Variants in CLASRP observed in about 807,000 individuals in gnomAD.
CLASRP encodes CLK4-associating serine/arginine rich protein.
CLASRP carries 52 observed loss-of-function variants against 99.9 expected under a neutral mutation model. The observed-to-expected ratio is 0.52, with a 90% CI of 0.42 to 0.66. CLASRP has a LOEUF of 0.66. CLASRP is among the 30% of genes least tolerant of loss of function. The pLI, the probability that CLASRP is intolerant of heterozygous loss-of-function variation, is 0.00. For missense variants in CLASRP, 848 were observed against 999.2 expected (o/e 0.85, Z 2.04); for synonymous variants, 379 against 373.0 (o/e 1.02, Z -0.18).
chr19:45,045,977 G>A (rs1233013101), intron 2 of CLASRP, among the ~76,000 whole-genome samples: 2 of 152,146 alleles, frequency 1.3e-5, no homozygotes, highest in Admixed American at 6.5e-5. Flanking sequence ...CAGTGGTGAC[G>A]ACCAACCCCT....
In CLASRP at chr19:45,052,187, G is replaced by C. The variant is rs375710334; in HGVS notation, c.197+19G>C. 3.1e-6 allele frequency: 5 copies of C among 1,606,360 alleles called. No homozygotes were observed. The highest frequency in any genetic ancestry group is 2.2e-5 in the East Asian group (1 of 44,850). On this transcript the variant is annotated intron_variant, in intron 3 of 20. Coordinates refer to ENST00000221455, the MANE Select transcript of CLASRP (RefSeq NM_007056.3). ...TTAATATGTAAGACTGATATGGAAG[G>C]CAGGGGAGTGTCTGAAGTCTGGGAG...
chr19:45,065,315 G>C lies in CLASRP; in HGVS notation c.1409+685G>C, dbSNP rs148415596. On this transcript the variant is annotated intron_variant, in intron 13 of 20. Transcript: ENST00000221455. ...TGAGGCAGGAGAATCGCTTGAAACC[G>C]GGAAGCAGAGGTTGCAATGAGCTGA... Among the ~76,000 whole-genome samples the C allele has an allele frequency of 1.6e-3, 247 of 150,142 alleles. 1 individual carries two copies. The highest frequency in any genetic ancestry group is 0.016 in the East Asian group (81 of 5,092).
intron 13 of CLASRP, among the ~76,000 whole-genome samples, chr19:45,065,905 C>CGAT (rs1386305140): frequency 1.4e-4 from 21 of 152,190 alleles, no homozygotes; most frequent in Non-Finnish European, 2.9e-4. Context: ...TCGTCAGCAT[C>CGAT]ATTACCTGCG....
intron 2 of CLASRP, among the ~76,000 whole-genome samples, chr19:45,045,488 G>C (rs1971898724): frequency 1.3e-5 from 2 of 152,154 alleles, no homozygotes; most frequent in African/African-American, 4.8e-5. Context: ...CTGCACTCCA[G>C]CCTGAGTGGG....
At chr19:45,057,458 C>T (rs1301490262) in intron 6 of CLASRP, among the ~76,000 whole-genome samples, 3 of 152,154 alleles carry the variant, frequency 2.0e-5, no homozygotes, top group South Asian at 2.1e-4. Context: ...ATGGTCTAGG[C>T]GGGAGACAGA....
At chr19:45,062,665 G>A (rs1450017897) in intron 11 of CLASRP, among the ~76,000 whole-genome samples, 1 of 152,224 alleles carries the variant, frequency 6.6e-6, no homozygotes, top group African/African-American at 2.4e-5. Flanking sequence ...ACAGGCGTGA[G>A]CCACCACGCC....
At position 45,067,218 on chromosome 19, in the gene CLASRP, A is replaced by G; in HGVS notation, c.1410-119A>G. The G allele has an allele frequency of 8.7e-7, 1 of 1,154,358 alleles. No homozygotes were observed. Among genetic ancestry groups the G allele is most frequent in the Non-Finnish European group, 1.2e-6 (1 of 847,146 alleles). The allele number at this position is 1,154,358 out of a possible 1,614,324, so 71.5% of individuals were successfully genotyped here. On this transcript the variant is annotated intron_variant, in intron 13 of 20. Coordinates refer to ENST00000221455, the MANE Select transcript of CLASRP (RefSeq NM_007056.3). The surrounding 1 kb of genome is among the most constrained non-coding windows in gnomAD (Gnocchi z 4.9). ...TGGAGGGAGAGTAGCAGGAGAGGAG[A>G]GTCGAGCCTGTCACCCTGGGCCTTG... is the stretch of plus-strand genomic sequence containing the variant.
At chr19:45,062,043 C>A in intron 10 of CLASRP, 111 bp from the exon 11 acceptor site, 2 of 765,862 alleles carry the variant, frequency 2.6e-6, no homozygotes, top group Admixed American at 3.9e-5. Context: ...GCAGCCCCCT[C>A]ACTGTGCCAG....
At chr19:45,062,281 C>T (rs1185100976) in intron 11 of CLASRP, 86 bp downstream of exon 11, 6 of 820,170 alleles carry the variant, frequency 7.3e-6, no homozygotes, top group South Asian at 5.4e-5. Flanking sequence ...GGGAGGTTCA[C>T]CCTGCTAGGC....
chr19:45,051,967 CAAAA>C, intron 2 of CLASRP, 100 bp from the exon 3 acceptor site: 1 of 661,110 alleles, frequency 1.5e-6, no homozygotes, highest in Non-Finnish European at 2.4e-6. Context: ...GGCTCCATCT[CAAAA>C]AAAAAAAGAA....
intron 7 of CLASRP, among the ~76,000 whole-genome samples, chr19:45,058,545 C>T (rs1972165489): frequency 6.6e-6 from 1 of 152,114 alleles, no homozygotes; most frequent in Admixed American, 6.6e-5. Context: ...GCCACCACGC[C>T]CAGCTAATTT....
intron 16 of CLASRP, among the ~76,000 whole-genome samples, 191 bp from the exon 17 acceptor site, chr19:45,068,875 C>G (rs1282933642): frequency 6.6e-6 from 1 of 151,914 alleles, no homozygotes; most frequent in African/African-American, 2.4e-5. Context: ...CCTGTAGTCC[C>G]AGCTACTCAG....
At chr19:45,068,557 A>G (rs1161793544) in intron 16 of CLASRP, 77 bp downstream of exon 16, 4 of 1,120,224 alleles carry the variant, frequency 3.6e-6, no homozygotes, top group Non-Finnish European at 5.5e-6. Flanking sequence ...ACTCAGCACC[A>G]CTTTGGGAGG....
At chr19:45,052,222 A>G (rs1600100291) in intron 3 of CLASRP, 54 bp downstream of exon 3, 2 of 1,481,006 alleles carry the variant, frequency 1.4e-6, no homozygotes, top group East Asian at 2.3e-5. Flanking sequence ...GTCAAAACGG[A>G]CCTGGGGTGG....
At chr19:45,041,583 C>G (rs1971815038) in intron 2 of CLASRP, among the ~76,000 whole-genome samples, 1 of 152,226 alleles carries the variant, frequency 6.6e-6, no homozygotes, top group Non-Finnish European at 1.5e-5. Flanking sequence ...GCCCCAGCCT[C>G]CTCCCTGGTC....
intron 2 of CLASRP, among the ~76,000 whole-genome samples, chr19:45,043,434 A>ATT (rs1555729334): frequency 2.1e-5 from 3 of 145,742 alleles, no homozygotes; most frequent in East Asian, 2.1e-4. Context: ...AAAAAAAAAA[A>ATT]TTTTTTCCAT....
At chr19:45,066,063 G>A (rs1321688519) in intron 13 of CLASRP, among the ~76,000 whole-genome samples, 1 of 152,140 alleles carries the variant, frequency 6.6e-6, no homozygotes, top group Admixed American at 6.5e-5. Context: ...GTGTCACCCA[G>A]TCTTTCTAGT....
At chr19:45,053,808 G>A (rs779064640) in intron 5 of CLASRP, among the ~76,000 whole-genome samples, 1 of 152,126 alleles carries the variant, frequency 6.6e-6, no homozygotes, top group Non-Finnish European at 1.5e-5. Flanking sequence ...CATTTAGAAA[G>A]ATGGGGTCTC....
chr19:45,040,324 C>T lies in CLASRP; in HGVS notation c.99+13C>T, dbSNP rs768329475. Reference sequence around the variant, plus strand: ...TTATGAAAAGATCGTGAGTAACTGGCCTTTTGTCTGGGGTGAGGGACCCTG... The same window carrying T: ...TTATGAAAAGATCGTGAGTAACTGGTCTTTTGTCTGGGGTGAGGGACCCTG... On this transcript the variant is annotated intron_variant, in intron 2 of 20. Transcript: ENST00000221455. 6 of 1,588,418 alleles carry T rather than the reference C, an allele frequency of 3.8e-6. No individual in the cohort carries two copies. The highest frequency in any genetic ancestry group is 5.2e-6 in the Non-Finnish European group (6 of 1,164,746).
Sources: gnomAD v4.1 joint callset for allele counts (sites outside exome capture counted in the v4.1 genomes callset) on GRCh38, gnomAD v4.1.1 for gene constraint, Gnocchi (gnomAD v3.1) non-coding constraint, MANE v1.5 for transcripts, NCBI Gene and HGNC (gene_info 2026-07-23, HGNC 2026-07-21) for gene names.